Variants in MIOS observed in about 807,000 individuals in gnomAD.
The protein encoded by MIOS is GATOR2 complex protein MIOS.
MIOS carries 52 observed loss-of-function variants against 96.9 expected under a neutral mutation model. The ratio of observed to expected loss-of-function variants is 0.54; its 90% CI spans 0.43 to 0.68. The LOEUF is 0.68. Among genes scored for constraint, MIOS ranks in the 30% least tolerant of loss-of-function variants. MIOS has a pLI of 0.00. For synonymous variants in MIOS, 397 were observed against 359.5 expected (o/e 1.10, Z -1.18); for missense variants, 1,005 against 1,052.8 (o/e 0.95, Z 0.63).
chr7:7,588,948 A>C (rs6463703), intron 8 of MIOS, among the ~76,000 whole-genome samples: 1 of 151,940 alleles, frequency 6.6e-6, no homozygotes, highest in African/African-American at 2.4e-5. Context: ...GCTAAGTACT[A>C]TAATAATGAA....
chr7:7,603,955 C>T (rs1036337023), intron 11 of MIOS, among the ~76,000 whole-genome samples: 10 of 151,900 alleles, frequency 6.6e-5, no homozygotes, highest in East Asian at 3.9e-4. Flanking sequence ...AGCAAACTAT[C>T]GCAAGGACAA....
At position 7,599,110 on chromosome 7, in the gene MIOS, A is replaced by G. The variant is rs147346205; in HGVS notation, c.2401+2649A>G. On this transcript the variant is annotated intron_variant, in intron 11 of 12. Transcript: ENST00000340080. The stretch of plus-strand genomic sequence containing the variant: ...TCTAGAAAATAAATACTGGTCTACA[A>G]TGCCTTATCTGTCATTTCAAAGTCT... 4.6e-3 allele frequency among the ~76,000 whole-genome samples: 694 copies of G among 152,270 alleles called. 5 individuals are homozygous for G. Among genetic ancestry groups the G allele is most frequent in the Non-Finnish European group, 8.2e-3 (558 of 68,000 alleles).
At chr7:7,574,404 C>A (rs1783460023) in intron 5 of MIOS, among the ~76,000 whole-genome samples, 1 of 152,006 alleles carries the variant, frequency 6.6e-6, no homozygotes, top group South Asian at 2.1e-4. Context: ...AGTCTTAATT[C>A]TCTGAAGTGA....
At chr7:7,601,053 G>T (rs1183499008) in intron 11 of MIOS, among the ~76,000 whole-genome samples, 2 of 112,804 alleles carry the variant, frequency 1.8e-5, no homozygotes, top group Non-Finnish European at 3.9e-5. Context: ...GAATCTCTGG[G>T]ACACATTCAA....
chr7:7,588,697 T>C, intron 8 of MIOS, 134 bp downstream of exon 8: 2 of 468,420 alleles, frequency 4.3e-6, no homozygotes, highest in Non-Finnish European at 7.0e-6. Flanking sequence ...TAAGAATTTA[T>C]TAGATAAAAA....
Position 7,596,234 on chromosome 7 carries a change from T to C in MIOS, c.2197-23T>C, listed in dbSNP as rs1337759542. 7 of 1,604,668 alleles carry C rather than the reference T, an allele frequency of 4.4e-6. No homozygotes were observed. In the Admixed American group the frequency reaches 1.0e-4, roughly 23 times the overall value. Reference sequence around the variant, plus strand: ...CCATTATGGTTTGCATTACATTTATTTTTTCTTTCATTTGTTTTGTAGGTT... The same window carrying C: ...CCATTATGGTTTGCATTACATTTATCTTTTCTTTCATTTGTTTTGTAGGTT... On this transcript the variant is annotated intron_variant, in intron 10 of 12. Coordinates refer to ENST00000340080, the MANE Select transcript of MIOS (RefSeq NM_019005.4).
At chr7:7,588,860 T>C (rs1783966359) in intron 8 of MIOS, among the ~76,000 whole-genome samples, 1 of 152,132 alleles carries the variant, frequency 6.6e-6, no homozygotes, top group Non-Finnish European at 1.5e-5. Context: ...TCATTTTTAC[T>C]ACATTAAACA....
chr7:7,574,262 G>T, intron 5 of MIOS, 66 bp downstream of exon 5: 1 of 1,184,634 alleles, frequency 8.4e-7, no homozygotes, highest in South Asian at 1.5e-5. Context: ...TTTGCCCCCT[G>T]TCATTTGGCA....
Position 7,607,003 on chromosome 7 carries a change from G to C in MIOS, c.2539G>C (p.Ala847Pro). 1 of 1,610,470 alleles carries C rather than the reference G, an allele frequency of 6.2e-7. No homozygotes were observed. Among genetic ancestry groups the C allele is most frequent in the Non-Finnish European group, 8.5e-7 (1 of 1,178,200 alleles). Residue 847 changes from alanine (A) to proline (P), a missense_variant, in exon 13 of 13, where the codon GCA (alanine) becomes CCA (proline). By Grantham distance (27) the Ala-to-Pro change is conservative (BLOSUM62 -1). This residue lies in a region of MIOS where 865 missense variants were observed against 887.9 expected (regional missense o/e 0.97). Transcript: ENST00000340080. ...GHMLSWFRDH[A>P]ECPVSACTCK... ...TTTGACCTATTTTTTTAGGGACCAT[G>C]CAGAGTGCCCTGTGTCGGCATGCAC...
rs145205269 is a variant in MIOS at position 7,608,190 on chromosome 7, G to A, written c.*1098G>A. ...ATTTTTTTTTCTCATTTCATAGCTA[G>A]ATAGTTGTAAGAGAAATACAAAGAA... On this transcript the variant is annotated 3_prime_UTR_variant, in exon 13 of 13. Coordinates refer to ENST00000340080, the MANE Select transcript of MIOS (RefSeq NM_019005.4). The A allele has an allele frequency of 7.9e-5, 12 of 151,774 alleles. No homozygotes were observed. Among genetic ancestry groups the A allele is most frequent in the Admixed American group, 2.6e-4 (4 of 15,204 alleles). The allele number at this position is 151,774 out of a possible 1,614,324, so 9.4% of individuals were successfully genotyped here.
chr7:7,597,466 A>ATT (rs1271784025), intron 11 of MIOS, among the ~76,000 whole-genome samples: 47 of 83,428 alleles, frequency 5.6e-4, no homozygotes, highest in African/African-American at 1.5e-3. Flanking sequence ...TACCTAGTAA[A>ATT]TTTATATATA....
At chr7:7,584,727 CTT>C (rs1783830892) in intron 6 of MIOS, among the ~76,000 whole-genome samples, 1 of 151,978 alleles carries the variant, frequency 6.6e-6, no homozygotes, top group African/African-American at 2.4e-5. Context: ...ATTAAGAAAA[CTT>C]ATATAATAAG....
chr7:7,585,560 AT>A lies in MIOS; in HGVS notation c.1649-73del. The A allele has an allele frequency of 2.3e-6, 3 of 1,318,242 alleles. No individual in the cohort carries two copies. The East Asian group carries it at 8.0e-5, about 35-fold the overall frequency. 81.7% of individuals were successfully genotyped at this position (1,318,242 alleles called of 1,614,324 possible). Reference sequence around the variant, plus strand: ...GGGTAAAAGTCACCCTCTGATTTCTATTTATGGTTTAAGAAATGTAGAAGAG... The same window carrying A: ...GGGTAAAAGTCACCCTCTGATTTCTATTATGGTTTAAGAAATGTAGAAGAG... On this transcript the variant is annotated intron_variant, in intron 6 of 12. Transcript: ENST00000340080.
intron 1 of MIOS, 97 bp downstream of exon 1, chr7:7,567,169 C>T (rs1287967532): frequency 1.3e-5 from 2 of 151,992 alleles, no homozygotes; most frequent in Admixed American, 6.5e-5. Flanking sequence ...CCGGGCGTCT[C>T]GGCGGGGAGC....
At chr7:7,571,255 C>T (rs1783342335) in intron 3 of MIOS, among the ~76,000 whole-genome samples, 2 of 152,206 alleles carry the variant, frequency 1.3e-5, no homozygotes, top group African/African-American at 2.4e-5. Flanking sequence ...ATTATTGAAA[C>T]ACCATTTTTA....
intron 11 of MIOS, among the ~76,000 whole-genome samples, chr7:7,602,142 C>G (rs1784398435): frequency 6.6e-6 from 1 of 152,230 alleles, no homozygotes; most frequent in African/African-American, 2.4e-5. Flanking sequence ...AAACTGGAAG[C>G]ATTCCCTTTG....
intron 5 of MIOS, among the ~76,000 whole-genome samples, chr7:7,580,778 C>A (rs938296550): frequency 6.7e-6 from 1 of 149,734 alleles, no homozygotes; most frequent in African/African-American, 2.5e-5. Context: ...CCTCCGCCTC[C>A]CAGGTTTAAG....
chr7:7,576,552 A>T (rs1783539977), intron 5 of MIOS, among the ~76,000 whole-genome samples: 1 of 152,230 alleles, frequency 6.6e-6, no homozygotes, highest in African/African-American at 2.4e-5. Context: ...ATAGCACATT[A>T]TTATGGCTGA....
At chr7:7,574,250 A>G (rs1443187724) in intron 5 of MIOS, 54 bp downstream of exon 5, 4 of 1,347,092 alleles carry the variant, frequency 3.0e-6, no homozygotes, top group Non-Finnish European at 4.1e-6. Context: ...TTGTACTTTT[A>G]TTTTGCCCCC....
Sources: allele counts gnomAD v4.1 joint callset (sites outside exome capture counted in the v4.1 genomes callset), GRCh38; gene constraint gnomAD v4.1.1; regional missense constraint gnomAD v4.1.1; transcripts MANE v1.5; gene names NCBI Gene and HGNC (gene_info 2026-07-23, HGNC 2026-07-21).